Variants in ST14 observed in about 807,000 individuals in gnomAD.
The protein encoded by ST14 is suppressor of tumorigenicity 14 protein.
Under a neutral mutation model 96.5 loss-of-function variants are expected in ST14, and 40 were observed. The observed-to-expected ratio is 0.41, with a 90% confidence interval of 0.32 to 0.54. The LOEUF (loss-of-function observed/expected upper bound fraction) is 0.54, where lower values mean the gene tolerates loss of function less well. Ranked by LOEUF, ST14 falls within the 20% of genes least tolerant of loss-of-function variation. The pLI, the probability that ST14 is intolerant of heterozygous loss-of-function variation, is 0.17. For synonymous variants in ST14, 506 were observed against 492.1 expected, an observed-to-expected ratio of 1.03 and a Z score of -0.37; for missense variants, 1,066 against 1,188.9, an observed-to-expected ratio of 0.90 and a Z score of 1.52.
At chr11:130,196,840 G>C (rs1227368606) in intron 11 of ST14, 140 bp downstream of exon 11, 1 of 1,324,994 alleles carries the variant, frequency 7.5e-7, no homozygotes, top group Non-Finnish European at 1.1e-6. Context: ...CCGTAGCTTT[G>C]GGAGGAAAAC....
chr11:130,205,094 G>A (rs1216961373), intron 16 of ST14, among the ~76,000 whole-genome samples: 1 of 151,924 alleles, frequency 6.6e-6, no homozygotes, highest in Non-Finnish European at 1.5e-5. Flanking sequence ...CAAAAATGTT[G>A]TAAATACAAT....
Position 130,160,035 on chromosome 11 carries a change from G to A in ST14, c.56G>A (p.Gly19Glu). ...GGGGPKDFGAGLKYNSRHEKV... is the reference protein window; with the variant it reads ...GGGGPKDFGAELKYNSRHEKV... Reference sequence around the variant, plus strand: ...GGGGGCCCGAAGGACTTCGGCGCGGGACTCAAGTACAACTCCCGGCACGAG... The same window carrying A: ...GGGGGCCCGAAGGACTTCGGCGCGGAACTCAAGTACAACTCCCGGCACGAG... The change falls in exon 1 of 19, where the codon GGA (glycine) becomes GAA (glutamate). Residue 19 changes from glycine (G) to glutamate (E), a missense_variant. Coordinates refer to ENST00000278742, the MANE Select transcript of ST14 (RefSeq NM_021978.4). The A allele has an allele frequency of 7.0e-7, 1 of 1,437,038 alleles. No individual in the cohort carries two copies. Among genetic ancestry groups the A allele is most frequent in the Non-Finnish European group, 9.2e-7 (1 of 1,087,504 alleles). 89.0% of individuals were successfully genotyped at this position (1,437,038 alleles called of 1,614,324 possible). A position where few individuals can be genotyped will look rare whatever the true frequency, so the allele number is the denominator to read the frequency against.
rs143353529 is a variant in ST14 at position 130,166,099 on chromosome 11, G to A, written c.81+6039G>A. 2.5e-3 allele frequency among the ~76,000 whole-genome samples: 377 copies of A among 152,356 alleles called. 2 individuals are homozygous for A. Among genetic ancestry groups the A allele is most frequent in the African/African-American group, 8.4e-3 (350 of 41,578 alleles). On this transcript the variant is annotated intron_variant, in intron 1 of 18. Transcript: ENST00000278742. The stretch of plus-strand genomic sequence containing the variant: ...CCCCTTTTGATGAGGTTCCTTAGCT[G>A]GTGGACCAGGAGCACAGCTGGAGTT...
At chr11:130,194,402 C>A in intron 8 of ST14, 114 bp downstream of exon 8, 1 of 1,469,832 alleles carries the variant, frequency 6.8e-7, no homozygotes. Context: ...GGTTGGCGAG[C>A]TGGCCTAGGT....
rs1372572280 is a variant in ST14, at chr11:130,173,595, C to CAA, written c.81+13550_81+13551dup. Reference sequence around the variant, plus strand: ...TGCGTGACAGAGCGAGACTCTGTCTCAAAAAAAAAAAAAAAATCAAACACC... The same window carrying CAA: ...TGCGTGACAGAGCGAGACTCTGTCTCAAAAAAAAAAAAAAAAAATCAAACACC... On this transcript the variant is annotated intron_variant, in intron 1 of 18. Coordinates refer to ENST00000278742, the MANE Select transcript of ST14 (RefSeq NM_021978.4). Among the ~76,000 whole-genome samples the CAA allele has an allele frequency of 5.8e-4, 54 of 93,404 alleles. 1 individual carries two copies. Among genetic ancestry groups the CAA allele is most frequent in the Admixed American group, 1.4e-3 (12 of 8,420 alleles). 61.3% of individuals were successfully genotyped at this position (93,404 alleles called of 152,430 possible).
intron 1 of ST14, among the ~76,000 whole-genome samples, chr11:130,174,584 T>C (rs1225757087): frequency 1.3e-5 from 2 of 152,134 alleles, no homozygotes; most frequent in Non-Finnish European, 2.9e-5. Context: ...AGTAACTCCA[T>C]CTTAGAAAAA....
chr11:130,207,368 T>A (rs1374055499), intron 16 of ST14, among the ~76,000 whole-genome samples: 1 of 152,078 alleles, frequency 6.6e-6, no homozygotes, highest in Non-Finnish European at 1.5e-5. Flanking sequence ...TTGGCTAACA[T>A]GGCGAAACCC....
intron 6 of ST14, 129 bp downstream of exon 6, chr11:130,190,277 C>T (rs1364483997): frequency 1.4e-6 from 2 of 1,474,678 alleles, no homozygotes; most frequent in Non-Finnish European, 1.9e-6. Context: ...CTTTCCAGGC[C>T]CTTCCTCTTC....
chr11:130,203,452 C>A (rs1953452512), intron 16 of ST14, among the ~76,000 whole-genome samples: 1 of 152,184 alleles, frequency 6.6e-6, no homozygotes, highest in African/African-American at 2.4e-5. Flanking sequence ...CACTCGAGCC[C>A]AGAGGGGCCT....
intron 16 of ST14, among the ~76,000 whole-genome samples, chr11:130,201,521 C>T (rs1036236334): frequency 6.6e-6 from 1 of 152,266 alleles, no homozygotes; most frequent in Non-Finnish European, 1.5e-5. Flanking sequence ...CAGCAAGAGC[C>T]TGTGGGGAGT....
Position 130,199,991 on chromosome 11 carries a change from T to C in ST14, c.1848T>C (p.Val616=). The C allele has an allele frequency of 1.2e-6, 2 of 1,614,074 alleles. No individual in the cohort carries two copies. The highest frequency in any genetic ancestry group is 1.7e-6 in the Non-Finnish European group (2 of 1,179,950). The change falls in exon 16 of 19, where the codon GTT becomes GTC. Residue 616 remains valine, a synonymous_variant. Transcript: ENST00000278742. ...CATTCACGAGACAGGCTCGTGTTGTTGGGGGCACGGATGCGGATGAGGGCG... is the reference window on the plus strand; with the variant it reads ...CATTCACGAGACAGGCTCGTGTTGTCGGGGGCACGGATGCGGATGAGGGCG... The part of the protein sequence containing the change: ...LRSFTRQARV[V]GGTDADEGEW...
chr11:130,169,399 T>C (rs975257158), intron 1 of ST14, among the ~76,000 whole-genome samples: 3 of 152,136 alleles, frequency 2.0e-5, no homozygotes, highest in Admixed American at 2.0e-4. Flanking sequence ...CTGGCCTATA[T>C]AACATAATTT....
intron 1 of ST14, among the ~76,000 whole-genome samples, chr11:130,167,907 G>A (rs1408496449): frequency 6.6e-6 from 1 of 152,136 alleles, no homozygotes; most frequent in Non-Finnish European, 1.5e-5. Context: ...TAGAGATGGC[G>A]GTTTCACCAT....
chr11:130,196,296 A>G, intron 9 of ST14, 43 bp from the exon 10 acceptor site: 1 of 1,486,050 alleles, frequency 6.7e-7, no homozygotes, highest in South Asian at 1.2e-5. Flanking sequence ...TTCAGGGAGG[A>G]GGGAGGGGAA....
chr11:130,177,088 G>A (rs181100677), intron 1 of ST14, among the ~76,000 whole-genome samples: 287 of 150,762 alleles, frequency 1.9e-3, no homozygotes, highest in Middle Eastern at 6.8e-3. Context: ...ATGAGCCACC[G>A]TGCCTGGCGG....
At chr11:130,170,361 C>T (rs577283507) in intron 1 of ST14, among the ~76,000 whole-genome samples, 1 of 152,156 alleles carries the variant, frequency 6.6e-6, no homozygotes, top group Middle Eastern at 3.4e-3. Flanking sequence ...TCCATCAACC[C>T]ATCAATTAGT....
Position 130,189,509 on chromosome 11 carries a change from C to G in ST14, c.441-230C>G, listed in dbSNP as rs781514123. On this transcript the variant is annotated intron_variant, in intron 4 of 18. Coordinates refer to ENST00000278742, the MANE Select transcript of ST14 (RefSeq NM_021978.4). ...CCTCCTCATTCCTACCCCTGAGCAGCCCCCAGAATCGGTCTGGTTGGGGAT... is the reference window on the plus strand; with the variant it reads ...CCTCCTCATTCCTACCCCTGAGCAGGCCCCAGAATCGGTCTGGTTGGGGAT... 71 of 591,514 alleles carry G rather than the reference C, an allele frequency of 1.2e-4. 3 individuals are homozygous for G. The highest frequency in any genetic ancestry group is 9.3e-4 in the South Asian group (46 of 49,708). 36.6% of individuals were successfully genotyped at this position (591,514 alleles called of 1,614,324 possible). A position where few individuals can be genotyped will look rare whatever the true frequency, so the allele number is the denominator to read the frequency against.
chr11:130,204,969 T>G (rs1160750343), intron 16 of ST14, among the ~76,000 whole-genome samples: 1 of 152,152 alleles, frequency 6.6e-6, no homozygotes, highest in Admixed American at 6.5e-5. Flanking sequence ...CCTTTTGACC[T>G]TCCTGAGAGG....
intron 1 of ST14, among the ~76,000 whole-genome samples, chr11:130,163,908 C>T (rs1953021559): frequency 6.6e-6 from 1 of 152,198 alleles, no homozygotes; most frequent in South Asian, 2.1e-4. Flanking sequence ...CACGTTGTCA[C>T]CGGCTGCGGA....
Sources: allele counts gnomAD v4.1 joint callset (sites outside exome capture counted in the v4.1 genomes callset), GRCh38; gene constraint gnomAD v4.1.1; transcripts MANE v1.5; gene names NCBI Gene and HGNC (gene_info 2026-07-23, HGNC 2026-07-21).